The following RALGPS1 variants were observed in gnomAD, a reference collection of about 807,000 sequenced individuals.
The protein encoded by RALGPS1 is ras-specific guanine nucleotide-releasing factor RalGPS1.
A neutral mutation model predicts 78.8 loss-of-function variants in RALGPS1; 19 were observed. The ratio of observed to expected loss-of-function variants is 0.24; its 90% CI spans 0.17 to 0.35. The LOEUF is 0.35. Ranked by LOEUF, RALGPS1 falls within the 10% of genes least tolerant of loss-of-function variation. RALGPS1 has a pLI of 1.00. For synonymous variants in RALGPS1, 228 were observed against 256.3 expected (o/e 0.89, Z 1.06); for missense variants, 454 against 688.3 (o/e 0.66, Z 3.81).
chr9:127,193,188 C>T lies in RALGPS1; in HGVS notation c.911-1903C>T, dbSNP rs540003561. 5.3e-5 allele frequency among the ~76,000 whole-genome samples: 8 copies of T among 152,062 alleles called. No individual in the cohort carries two copies. The East Asian group carries it at 7.8e-4, about 15-fold the overall frequency. ...AGGACCTGAGAGAAGAGAAGGGCCCCGGCCTGGTGGGAAGGCCAGTGTGAA... is the reference window on the plus strand; with the variant it reads ...AGGACCTGAGAGAAGAGAAGGGCCCTGGCCTGGTGGGAAGGCCAGTGTGAA... On this transcript the variant is annotated intron_variant, in intron 11 of 18. Transcript: ENST00000259351.
intron 4 of RALGPS1, among the ~76,000 whole-genome samples, chr9:127,008,196 G>C (rs1343556396): frequency 6.6e-6 from 1 of 151,874 alleles, no homozygotes; most frequent in Non-Finnish European, 1.5e-5. Flanking sequence ...ATTTGGTTTT[G>C]CACATGTTGA....
intron 8 of RALGPS1, among the ~76,000 whole-genome samples, chr9:127,145,121 C>T (rs1239340400): frequency 1.3e-5 from 2 of 152,320 alleles, no homozygotes; most frequent in East Asian, 3.9e-4. Flanking sequence ...GGCCCTGACA[C>T]TCCAGCTGGG....
intron 1 of RALGPS1, among the ~76,000 whole-genome samples, chr9:126,916,674 C>G (rs1487608886): frequency 6.6e-6 from 1 of 152,158 alleles, no homozygotes; most frequent in East Asian, 1.9e-4. Context: ...CTCAGCTACT[C>G]AGGAGGCTGA....
chr9:127,050,912 G>T (rs865930235), intron 6 of RALGPS1, among the ~76,000 whole-genome samples: 62 of 152,234 alleles, frequency 4.1e-4, no homozygotes, highest in Non-Finnish European at 7.4e-4. Context: ...ACCATGCTGT[G>T]GTCACCTGCT....
chr9:127,029,913 C>A (rs1225644247), intron 4 of RALGPS1, among the ~76,000 whole-genome samples: 1 of 152,156 alleles, frequency 6.6e-6, no homozygotes, highest in Admixed American at 6.5e-5. Flanking sequence ...AGCAGCTTTG[C>A]AGGGGCAGCT....
intron 8 of RALGPS1, among the ~76,000 whole-genome samples, chr9:127,139,339 G>A (rs2057616067): frequency 6.6e-6 from 1 of 152,194 alleles, no homozygotes; most frequent in South Asian, 2.1e-4. Context: ...GACTCCCCAG[G>A]TCAGGCCACC....
intron 5 of RALGPS1, among the ~76,000 whole-genome samples, chr9:127,042,616 G>A (rs543204085): frequency 4.5e-4 from 68 of 152,298 alleles, no homozygotes; most frequent in African/African-American, 1.6e-3. Flanking sequence ...AACAAGGCAA[G>A]GATGTGCTCT....
At chr9:127,175,029 CAA>C (rs1175725600) in intron 11 of RALGPS1, among the ~76,000 whole-genome samples, 11 of 152,322 alleles carry the variant, frequency 7.2e-5, no homozygotes, top group Non-Finnish European at 8.8e-5. Flanking sequence ...TGAACAGCCC[CAA>C]GAGAGGCAGG....
At chr9:126,986,583 G>C (rs2041822846) in intron 4 of RALGPS1, among the ~76,000 whole-genome samples, 1 of 152,246 alleles carries the variant, frequency 6.6e-6, no homozygotes, top group Non-Finnish European at 1.5e-5. Context: ...CCAGTTCCCA[G>C]CCTATGGAGT....
chr9:126,928,610 TA>T (rs2035517758), intron 1 of RALGPS1, among the ~76,000 whole-genome samples: 1 of 152,118 alleles, frequency 6.6e-6, no homozygotes, highest in South Asian at 2.1e-4. Flanking sequence ...TTTTTATTTT[TA>T]TTTTTTGGAG....
chr9:127,174,578 A>T lies in RALGPS1; in HGVS notation c.843-137A>T. 6.6e-6 allele frequency: 5 copies of T among 761,100 alleles called. No individual in the cohort carries two copies. The South Asian group carries it at 7.9e-5, about 12-fold the overall frequency. The allele number at this position is 761,100 out of a possible 1,614,324, so 47.1% of individuals were successfully genotyped here. On this transcript the variant is annotated intron_variant, in intron 10 of 18. Coordinates refer to ENST00000259351, the MANE Select transcript of RALGPS1 (RefSeq NM_014636.3). ...CTGTGGAAACCCCCGGAGACCTCAG[A>T]GGGAAGTGACTGTGATCTGGAGCAG...
At chr9:127,200,290 C>G (rs1158848604) in intron 14 of RALGPS1, among the ~76,000 whole-genome samples, 3 of 152,258 alleles carry the variant, frequency 2.0e-5, no homozygotes, top group Non-Finnish European at 2.9e-5. Flanking sequence ...GGTCAGTGCT[C>G]TTGGTTGAGC....
intron 10 of RALGPS1, 70 bp from the exon 11 acceptor site, chr9:127,174,644 TC>T: frequency 7.1e-7 from 1 of 1,402,640 alleles, no homozygotes; most frequent in Non-Finnish European, 1.0e-6. Flanking sequence ...TAGTAGCTTT[TC>T]CCAGCCCCAA....
At chr9:127,080,823 C>A (rs573706354) in intron 8 of RALGPS1, among the ~76,000 whole-genome samples, 1 of 152,236 alleles carries the variant, frequency 6.6e-6, no homozygotes, top group East Asian at 1.9e-4. Context: ...CAAAGAAAAG[C>A]CTCACTGGAA....
At chr9:127,034,886 C>T (rs2046735772) in intron 5 of RALGPS1, among the ~76,000 whole-genome samples, 2 of 152,300 alleles carry the variant, frequency 1.3e-5, no homozygotes, top group South Asian at 2.1e-4. Flanking sequence ...CCTTATCTCT[C>T]TCCTGTCAGG....
intron 1 of RALGPS1, among the ~76,000 whole-genome samples, chr9:126,959,109 C>T (rs1167282546): frequency 6.7e-6 from 1 of 149,368 alleles, no homozygotes; most frequent in African/African-American, 2.5e-5. Context: ...GTTGCTCAGG[C>T]TGGAATGTAG....
chr9:126,966,458 C>A (rs949194589), intron 3 of RALGPS1, among the ~76,000 whole-genome samples: 1 of 148,106 alleles, frequency 6.8e-6, no homozygotes, highest in African/African-American at 2.5e-5. Flanking sequence ...GAAGTTGAAG[C>A]TGCAGTGAGC....
Position 127,212,036 on chromosome 9 carries a change from G to T in RALGPS1, c.1248-95G>T. The T allele has an allele frequency of 1.0e-6, 1 of 958,860 alleles. No individual in the cohort carries two copies. The allele number at this position is 958,860 out of a possible 1,614,324, so 59.4% of individuals were successfully genotyped here. ...AAGTCTGGACTGCTGGGATGTCATGGACTTGGTAGTGGGGCACCTGTGGTC... is the reference window on the plus strand; with the variant it reads ...AAGTCTGGACTGCTGGGATGTCATGTACTTGGTAGTGGGGCACCTGTGGTC... On this transcript the variant is annotated intron_variant, in intron 14 of 18. Transcript: ENST00000259351. This position sits in a 1 kb window ranked among gnomAD's most constrained non-coding sequence, Gnocchi z 6.0.
At chr9:127,172,437 C>T (rs2059614141) in intron 10 of RALGPS1, among the ~76,000 whole-genome samples, 1 of 152,194 alleles carries the variant, frequency 6.6e-6, no homozygotes, top group Admixed American at 6.5e-5. Flanking sequence ...ACCAGATTTC[C>T]CCAGACCATG....
Sources: gnomAD v4.1 joint callset for allele counts (sites outside exome capture counted in the v4.1 genomes callset) on GRCh38, gnomAD v4.1.1 for gene constraint, Gnocchi (gnomAD v3.1) non-coding constraint, MANE v1.5 for transcripts, NCBI Gene and HGNC (gene_info 2026-07-23, HGNC 2026-07-21) for gene names.